Variants in ACOXL observed in about 807,000 individuals in gnomAD.
ACOXL encodes acyl-CoA oxidase like, also known as acyl-coenzyme A oxidase-like protein.
In ACOXL, 70 loss-of-function variants were observed where a neutral mutation model predicts 71.9. The ratio of observed to expected loss-of-function variants is 0.97; its 90% CI spans 0.80 to 1.19. The LOEUF is 1.19. Ranked by LOEUF, ACOXL falls within the 50% of genes most tolerant of loss-of-function variation. The probability of loss-of-function intolerance (pLI) is 0.00; values close to 1 mark genes in which losing one functional copy is unlikely to be tolerated. For missense variants in ACOXL, 703 were observed against 736.3 expected (o/e 0.95, Z 0.52); for synonymous variants, 253 against 281.6 (o/e 0.90, Z 1.02).
At chr2:110,905,931 C>T (rs62159553) in intron 10 of ACOXL, among the ~76,000 whole-genome samples, 45,317 of 152,002 alleles carry the variant, frequency 0.3, 7,341 homozygotes, top group Middle Eastern at 0.37. Context: ...CACATGGAGC[C>T]TTGGTGGCCT....
At chr2:110,916,144 G>A (rs2059850700) in intron 11 of ACOXL, among the ~76,000 whole-genome samples, 1 of 151,634 alleles carries the variant, frequency 6.6e-6, no homozygotes, top group Non-Finnish European at 1.5e-5. Context: ...AACTATATGT[G>A]TTAATAATAT....
At chr2:110,919,653 C>A (rs763977659) in intron 11 of ACOXL, among the ~76,000 whole-genome samples, 21 of 152,144 alleles carry the variant, frequency 1.4e-4, no homozygotes, top group Non-Finnish European at 2.8e-4. Context: ...AAATTGTCTA[C>A]CACTTCAGTA....
chr2:110,805,189 G>A, intron 8 of ACOXL, 74 bp from the exon 9 acceptor site: 1 of 1,584,146 alleles, frequency 6.3e-7, no homozygotes, highest in African/African-American at 1.3e-5. Flanking sequence ...GTATGCACAT[G>A]GGAGCCACCT....
chr2:111,008,033 G>A (rs1172082980), intron 14 of ACOXL, among the ~76,000 whole-genome samples: 2 of 152,154 alleles, frequency 1.3e-5, no homozygotes, highest in East Asian at 3.9e-4. Flanking sequence ...TCATACCCTG[G>A]TGAGAGACAC....
chr2:110,801,831 C>T (rs1686040612), intron 8 of ACOXL, 107 bp downstream of exon 8: 3 of 865,770 alleles, frequency 3.5e-6, no homozygotes, highest in East Asian at 4.9e-5. Context: ...GGCATTCTTC[C>T]CCTAACCACC....
At chr2:110,814,406 T>C (rs940660183) in intron 9 of ACOXL, among the ~76,000 whole-genome samples, 2 of 152,090 alleles carry the variant, frequency 1.3e-5, no homozygotes, top group Non-Finnish European at 2.9e-5. Flanking sequence ...TGAACACTTA[T>C]TAAGTGTGTC....
intron 11 of ACOXL, among the ~76,000 whole-genome samples, chr2:110,928,589 T>A (rs2060364589): frequency 6.6e-6 from 1 of 152,258 alleles, no homozygotes; most frequent in African/African-American, 2.4e-5. Flanking sequence ...AAATAAACTT[T>A]TATAAATAGA....
In ACOXL at chr2:110,943,230, AAGCAAGAAAG is replaced by A. The variant is rs1410738949; in HGVS notation, c.1059+9591_1059+9600del. On this transcript the variant is annotated intron_variant, in intron 12 of 17. Coordinates refer to ENST00000439055, the MANE Select transcript of ACOXL (RefSeq NM_001142807.4). ...GAAAGGAAGAAGGAAGGAAAGAAGG[AAGCAAGAAAG>A]AGAAAGAAAAAGAAAAGAAAGGAGG... Among the ~76,000 whole-genome samples the A allele has an allele frequency of 3.4e-5, 5 of 148,880 alleles. No individual in the cohort carries two copies. The East Asian group carries it at 1.0e-3, about 30-fold the overall frequency.
chr2:111,084,363 T>C (rs1238231675), intron 16 of ACOXL, among the ~76,000 whole-genome samples: 1 of 150,474 alleles, frequency 6.6e-6, no homozygotes, highest in Non-Finnish European at 1.5e-5. Context: ...CACAAAGCAT[T>C]TAATAAATGT....
At chr2:110,871,027 CA>C (rs1695209462) in intron 10 of ACOXL, among the ~76,000 whole-genome samples, 1 of 152,150 alleles carries the variant, frequency 6.6e-6, no homozygotes, top group Admixed American at 6.5e-5. Context: ...TTCCTAGAGA[CA>C]GACTAATAAT....
intron 1 of ACOXL, 134 bp downstream of exon 1, chr2:110,732,908 G>C (rs1676350160): frequency 6.6e-6 from 1 of 152,346 alleles, no homozygotes; most frequent in Non-Finnish European, 1.5e-5. Context: ...TGAGAGGCGG[G>C]TCCCTGCCTC....
At chr2:111,008,769 A>G (rs550723356) in intron 14 of ACOXL, among the ~76,000 whole-genome samples, 18 of 152,340 alleles carry the variant, frequency 1.2e-4, no homozygotes, top group African/African-American at 4.1e-4. Flanking sequence ...TCTCATCAAT[A>G]GAATGTGTTC....
At chr2:110,826,835 G>A (rs1397545796) in intron 9 of ACOXL, among the ~76,000 whole-genome samples, 1 of 149,702 alleles carries the variant, frequency 6.7e-6, no homozygotes, top group Admixed American at 6.7e-5. Context: ...TACAGTTTTG[G>A]TGCATAGTCC....
chr2:110,995,287 G>C (rs953749849), intron 13 of ACOXL, among the ~76,000 whole-genome samples: 1 of 151,058 alleles, frequency 6.6e-6, no homozygotes, highest in Non-Finnish European at 1.5e-5. Context: ...ATCACTTGAG[G>C]TCAGCAGTTC....
intron 12 of ACOXL, among the ~76,000 whole-genome samples, chr2:110,970,474 A>T (rs560243997): frequency 6.7e-6 from 1 of 149,290 alleles, no homozygotes; most frequent in East Asian, 2.0e-4. Context: ...AAACTAGGAA[A>T]GAAGGGAATT....
At chr2:111,117,339 AT>A (rs1229341863) in intron 17 of ACOXL, among the ~76,000 whole-genome samples, 1 of 152,194 alleles carries the variant, frequency 6.6e-6, no homozygotes, top group African/African-American at 2.4e-5. Context: ...TTCCCGGCTA[AT>A]TTGGGGGCAA....
chr2:110,802,686 G>A (rs773877527), intron 8 of ACOXL, among the ~76,000 whole-genome samples: 1 of 152,166 alleles, frequency 6.6e-6, no homozygotes, highest in Non-Finnish European at 1.5e-5. Context: ...AAAATGGAGG[G>A]ATAAGGAAGT....
chr2:110,781,812 A>G (rs1430226781), intron 2 of ACOXL, among the ~76,000 whole-genome samples: 1 of 152,186 alleles, frequency 6.6e-6, no homozygotes, highest in Non-Finnish European at 1.5e-5. Flanking sequence ...AGCTCAGACT[A>G]CACATCCAAC....
chr2:111,042,914 C>T (rs2065850769), intron 15 of ACOXL, among the ~76,000 whole-genome samples: 1 of 152,178 alleles, frequency 6.6e-6, no homozygotes, highest in Non-Finnish European at 1.5e-5. Context: ...GAGGTCGTGG[C>T]AGTGGGGGTC....
Sources: allele counts gnomAD v4.1 joint callset (sites outside exome capture counted in the v4.1 genomes callset), GRCh38; gene constraint gnomAD v4.1.1; transcripts MANE v1.5; gene names NCBI Gene and HGNC (gene_info 2026-07-23, HGNC 2026-07-21).